UBXN7: variants seen among roughly 807,000 people sequenced by gnomAD.
UBXN7 encodes the protein UBX domain-containing protein 7.
In UBXN7, 9 loss-of-function variants were observed where a neutral mutation model predicts 58.0. The observed-to-expected ratio is 0.16, with a 90% CI of 0.09 to 0.27. The LOEUF is 0.27. UBXN7 is among the 10% of genes least tolerant of loss of function. The probability of loss-of-function intolerance (pLI) is 1.00; values close to 1 mark genes in which losing one functional copy is unlikely to be tolerated. For missense variants in UBXN7, 328 were observed against 599.6 expected (o/e 0.55, Z 4.73); for synonymous variants, 208 against 205.0 (o/e 1.01, Z -0.12).
rs568827485 is a variant in UBXN7 at position 196,394,157 on chromosome 3, G to A, written c.290-538C>T. Among the ~76,000 whole-genome samples, 45 of 151,952 alleles carry A rather than the reference G, an allele frequency of 3.0e-4. No homozygotes were observed. The South Asian group carries it at 7.5e-3, about 25-fold the overall frequency. ...CAAAAAATTAGCCAGGCGTGATGGT[G>A]CATGCCTGTAATCCCAGCTACTTGG... On this transcript the variant is annotated intron_variant, in intron 3 of 10. Transcript: ENST00000296328.
intron 8 of UBXN7, among the ~76,000 whole-genome samples, chr3:196,364,420 T>C (rs778738274): frequency 1.3e-5 from 2 of 152,134 alleles, no homozygotes; most frequent in African/African-American, 2.4e-5. Context: ...AGAGTATTAA[T>C]TAATGAAACA....
In UBXN7 at chr3:196,359,305, C is replaced by G. The variant is rs952031406; in HGVS notation, c.1309-2459G>C. On this transcript the variant is annotated intron_variant, in intron 10 of 10. Coordinates refer to ENST00000296328, the MANE Select transcript of UBXN7 (RefSeq NM_015562.2). ...AACTTAATAAAGAAGTATGTTCTGA[C>G]TGCTCCACCTAATGGGAGTTTTCCC... Among the ~76,000 whole-genome samples, 4 of 152,294 alleles carry G rather than the reference C, an allele frequency of 2.6e-5. No homozygotes were observed. In the South Asian group the frequency reaches 8.3e-4, roughly 32 times the overall value.
Position 196,354,576 on chromosome 3 carries a change from T to G in UBXN7, c.*2109A>C, listed in dbSNP as rs960026596. 6 of 152,238 alleles carry G rather than the reference T, an allele frequency of 3.9e-5. No homozygotes were observed. The highest frequency in any genetic ancestry group is 7.3e-5 in the Non-Finnish European group (5 of 68,068). The allele number at this position is 152,238 out of a possible 1,614,324, so 9.4% of individuals were successfully genotyped here. ...TGCCCTCCCTGAATTTTTGGATTTC[T>G]GAGCTTGTCTACTACCAACAAATGT... is the stretch of plus-strand genomic sequence containing the variant. On this transcript the variant is annotated 3_prime_UTR_variant, in exon 11 of 11. Coordinates refer to ENST00000296328, the MANE Select transcript of UBXN7 (RefSeq NM_015562.2).
intron 1 of UBXN7, among the ~76,000 whole-genome samples, chr3:196,430,949 T>G (rs1436464174): frequency 6.6e-6 from 1 of 152,138 alleles, no homozygotes; most frequent in African/African-American, 2.4e-5. Context: ...ATCATGCAAC[T>G]CCTCACCCCA....
Position 196,349,591 on chromosome 3 carries a change from A to T in UBXN7, c.*7094T>A, listed in dbSNP as rs1178554987. On this transcript the variant is annotated 3_prime_UTR_variant, in exon 11 of 11. Coordinates refer to ENST00000296328, the MANE Select transcript of UBXN7 (RefSeq NM_015562.2). Reference sequence around the variant, plus strand: ...AGCAGTCTAATGTCATCAAACTGAAATGGACCCTCGTGACGGGCACTATGG... The same window carrying T: ...AGCAGTCTAATGTCATCAAACTGAATTGGACCCTCGTGACGGGCACTATGG... The T allele has an allele frequency of 6.6e-6, 1 of 152,196 alleles. No individual in the cohort carries two copies. Among genetic ancestry groups the T allele is most frequent in the Admixed American group, 6.5e-5 (1 of 15,280 alleles). The allele number at this position is 152,196 out of a possible 1,614,324, so 9.4% of individuals were successfully genotyped here.
At chr3:196,392,812 T>C (rs1424376495) in intron 4 of UBXN7, among the ~76,000 whole-genome samples, 1 of 151,988 alleles carries the variant, frequency 6.6e-6, no homozygotes, top group African/African-American at 2.4e-5. Context: ...CAAAAATAAA[T>C]AGTAATAATA....
chr3:196,385,918 T>C (rs934335071), intron 5 of UBXN7, among the ~76,000 whole-genome samples: 6 of 151,956 alleles, frequency 3.9e-5, no homozygotes, highest in East Asian at 1.9e-4. Context: ...ATGACGATGG[T>C]GGTTTTGTCG....
intron 5 of UBXN7, among the ~76,000 whole-genome samples, chr3:196,378,781 TG>T (rs1368560495): frequency 6.6e-6 from 1 of 151,674 alleles, no homozygotes; most frequent in Non-Finnish European, 1.5e-5. Flanking sequence ...ATGTTGGTTT[TG>T]GGGGGTTTTA....
At chr3:196,357,069 T>C (rs981498609) in intron 10 of UBXN7, among the ~76,000 whole-genome samples, 1 of 152,266 alleles carries the variant, frequency 6.6e-6, no homozygotes, top group East Asian at 1.9e-4. Context: ...TAAGTGATAC[T>C]GAAATACACA....
Position 196,356,503 on chromosome 3 carries a change from G to A in UBXN7, c.*182C>T. The A allele has an allele frequency of 1.6e-6, 1 of 609,664 alleles. No homozygotes were observed. The highest frequency in any genetic ancestry group is 2.7e-6 in the Non-Finnish European group (1 of 373,244). The allele number at this position is 609,664 out of a possible 1,614,324, so 37.8% of individuals were successfully genotyped here. A position where few individuals can be genotyped will look rare whatever the true frequency, so the allele number is the denominator to read the frequency against. The stretch of plus-strand genomic sequence containing the variant: ...TGGGGAGCGAGAAAACAGAAGAGGA[G>A]AAAGAAACAAAGGGGGAGAAAGAGA... On this transcript the variant is annotated 3_prime_UTR_variant, in exon 11 of 11. Transcript: ENST00000296328.
intron 1 of UBXN7, among the ~76,000 whole-genome samples, chr3:196,409,906 C>T (rs551543584): frequency 3.3e-5 from 5 of 152,030 alleles, no homozygotes; most frequent in East Asian, 1.9e-4. Context: ...TCATTTTTAG[C>T]CTGGTGCTAA....
intron 3 of UBXN7, among the ~76,000 whole-genome samples, chr3:196,394,334 T>A (rs1729697810): frequency 7.2e-6 from 1 of 139,640 alleles, no homozygotes; most frequent in African/African-American, 2.7e-5. Flanking sequence ...GCACTGTAGC[T>A]CACACCTCCT....
In UBXN7 at chr3:196,349,786, TTGATA is replaced by T. The variant is rs1373969738; in HGVS notation, c.*6894_*6898del. 1 of 152,230 alleles carries T rather than the reference TTGATA, an allele frequency of 6.6e-6. No homozygotes were observed. The highest frequency in any genetic ancestry group is 1.5e-5 in the Non-Finnish European group (1 of 68,042). 9.4% of individuals were successfully genotyped at this position (152,230 alleles called of 1,614,324 possible). On this transcript the variant is annotated 3_prime_UTR_variant, in exon 11 of 11. Transcript: ENST00000296328. ...TCCAGGTCAGAATTTATCTAATGAT[TTGATA>T]TGTTTCCCATTTATCATGTCTAAAA...
In UBXN7 at chr3:196,412,162, C is replaced by T. The variant is rs1730347880; in HGVS notation, c.74-4769G>A. On this transcript the variant is annotated intron_variant, in intron 1 of 10. Coordinates refer to ENST00000296328, the MANE Select transcript of UBXN7 (RefSeq NM_015562.2). ...AGGAAAATTGCTTGAATCCAGGAGG[C>T]GGAGGTTACAGTGAGCTGAGATCAC... is the stretch of plus-strand genomic sequence containing the variant. Among the ~76,000 whole-genome samples the T allele has an allele frequency of 2.3e-5, 3 of 132,110 alleles. No individual in the cohort carries two copies. In the South Asian group the frequency reaches 7.3e-4, roughly 32 times the overall value. The allele number at this position is 132,110 out of a possible 152,430, so 86.7% of individuals were successfully genotyped here. A position where few individuals can be genotyped will look rare whatever the true frequency, so the allele number is the denominator to read the frequency against.
chr3:196,378,420 A>G (rs977121725), intron 5 of UBXN7, among the ~76,000 whole-genome samples: 3 of 152,062 alleles, frequency 2.0e-5, no homozygotes, highest in African/African-American at 4.8e-5. Flanking sequence ...TCCCTCTTCC[A>G]TGCTGTTTAT....
At position 196,372,111 on chromosome 3, in the gene UBXN7, T is replaced by C. The variant is rs1728850741; in HGVS notation, c.469-69A>G. ...TAGTGACAGATGTTTCCGTAGTTGTTCAGAGGTTGTTGTCTTTCATTAAAA... is the reference window on the plus strand; with the variant it reads ...TAGTGACAGATGTTTCCGTAGTTGTCCAGAGGTTGTTGTCTTTCATTAAAA... On this transcript the variant is annotated intron_variant, in intron 5 of 10. Coordinates refer to ENST00000296328, the MANE Select transcript of UBXN7 (RefSeq NM_015562.2). 1.5e-5 allele frequency: 22 copies of C among 1,497,650 alleles called. No homozygotes were observed. In the Admixed American group the frequency reaches 5.2e-4, roughly 36 times the overall value. 92.8% of individuals were successfully genotyped at this position (1,497,650 alleles called of 1,614,324 possible).
chr3:196,403,119 T>C (rs986126189), intron 2 of UBXN7, 100 bp from the exon 3 acceptor site: 2 of 1,200,594 alleles, frequency 1.7e-6, no homozygotes, highest in African/African-American at 3.1e-5. Context: ...ACGTAGTGAC[T>C]TTTAGAAGCA....
chr3:196,377,713 G>A (rs1409074000), intron 5 of UBXN7, among the ~76,000 whole-genome samples: 1 of 151,882 alleles, frequency 6.6e-6, no homozygotes, highest in Non-Finnish European at 1.5e-5. Context: ...GTTGCTCAGG[G>A]TGGAGGGCAA....
At chr3:196,403,351 A>G (rs1486516669) in intron 2 of UBXN7, among the ~76,000 whole-genome samples, 3 of 152,062 alleles carry the variant, frequency 2.0e-5, no homozygotes, top group Admixed American at 6.6e-5. Context: ...TAGTAGTGAC[A>G]GGGTCGCGCC....
Sources: allele counts gnomAD v4.1 joint callset (sites outside exome capture counted in the v4.1 genomes callset), GRCh38; gene constraint gnomAD v4.1.1; transcripts MANE v1.5; gene names NCBI Gene and HGNC (gene_info 2026-07-23, HGNC 2026-07-21).